NWD2: variants seen among roughly 807,000 people sequenced by gnomAD.
The protein encoded by NWD2 is NACHT and WD repeat domain-containing protein 2.
Under a neutral mutation model 132.7 loss-of-function variants are expected in NWD2, and 37 were observed. The ratio of observed to expected loss-of-function variants is 0.28; its 90% CI spans 0.21 to 0.37. The LOEUF (loss-of-function observed/expected upper bound fraction) is 0.37. Ranked by LOEUF, NWD2 falls within the 10% of genes least tolerant of loss-of-function variation. NWD2 has a pLI of 1.00. For missense variants in NWD2, 1,592 were observed against 2,122.4 expected (o/e 0.75, Z 4.91); for synonymous variants, 705 against 803.0 (o/e 0.88, Z 2.06).
chr4:37,376,697 T>C (rs551130668), intron 3 of NWD2, among the ~76,000 whole-genome samples: 194 of 152,342 alleles, frequency 1.3e-3, no homozygotes, highest in African/African-American at 4.4e-3. Flanking sequence ...TCATGTTTAT[T>C]GTCAGTATTA....
At chr4:37,255,269 C>G (rs1346155628) in intron 1 of NWD2, among the ~76,000 whole-genome samples, 1 of 152,168 alleles carries the variant, frequency 6.6e-6, no homozygotes, top group African/African-American at 2.4e-5. Context: ...CAGCTTGTAT[C>G]TGATATCCCG....
intron 3 of NWD2, among the ~76,000 whole-genome samples, chr4:37,373,914 GA>G (rs1720286203): frequency 6.6e-6 from 1 of 152,198 alleles, no homozygotes; most frequent in Non-Finnish European, 1.5e-5. Context: ...AAACACTTTA[GA>G]AAACATGTTG....
chr4:37,446,162 C>T lies in NWD2; in HGVS notation c.4174C>T (p.Leu1392Phe). The stretch of plus-strand genomic sequence containing the variant: ...CTGGCACACCAGCAGTGGTGAAAAC[C>T]TTTTTCGAATTAACGGGCAGAGAAT... Reference protein sequence around the residue: ...YVWHTSSGENLFRINGQRISQ... With the variant: ...YVWHTSSGENFFRINGQRISQ... Residue 1392 changes from leucine (L) to phenylalanine (F), a missense_variant, in exon 7 of 7, where the codon CTT becomes TTT. Physicochemically the swap from Leu to Phe is conservative, Grantham distance 22. Transcript: ENST00000309447. The surrounding 1 kb of genome is among the most constrained non-coding windows in gnomAD (Gnocchi z 6.7). The T allele has an allele frequency of 1.3e-6, 2 of 1,551,606 alleles. No homozygotes were observed. The highest frequency in any genetic ancestry group is 2.4e-5 in the South Asian group (2 of 84,042).
intron 2 of NWD2, among the ~76,000 whole-genome samples, chr4:37,336,953 A>AG: frequency 3.0e-4 from 1 of 3,374 alleles, no homozygotes; most frequent in Non-Finnish European, 0.01. Flanking sequence ...TCAAAAAAAG[A>AG]AAAAAAAAAA....
chr4:37,363,280 A>C (rs993654055), intron 3 of NWD2, among the ~76,000 whole-genome samples: 4 of 152,240 alleles, frequency 2.6e-5, no homozygotes, highest in Admixed American at 2.0e-4. Context: ...ACTACCATTC[A>C]ACTCAGCAAT....
chr4:37,350,174 TTTGG>T (rs1282345627), intron 2 of NWD2, among the ~76,000 whole-genome samples: 2 of 152,340 alleles, frequency 1.3e-5, no homozygotes, highest in East Asian at 3.9e-4. Flanking sequence ...GGGCTCTTCT[TTTGG>T]TTGCATATGA....
intron 3 of NWD2, 78 bp downstream of exon 3, chr4:37,356,560 G>A (rs1243831523): frequency 2.1e-6 from 2 of 973,572 alleles, no homozygotes; most frequent in Admixed American, 2.2e-5. Context: ...GATTCATAAG[G>A]GGTTTTTTAA....
chr4:37,267,734 G>A (rs1393118360), intron 1 of NWD2, among the ~76,000 whole-genome samples: 1 of 151,848 alleles, frequency 6.6e-6, no homozygotes, highest in Non-Finnish European at 1.5e-5. Flanking sequence ...CTATATGCCA[G>A]GAATTAATAT....
At chr4:37,306,606 C>A (rs1718712813) in intron 1 of NWD2, among the ~76,000 whole-genome samples, 1 of 152,008 alleles carries the variant, frequency 6.6e-6, no homozygotes, top group South Asian at 2.1e-4. Context: ...GTACAATTTC[C>A]AGTTTCTCTT....
At chr4:37,325,880 C>A in intron 1 of NWD2, 56 bp from the exon 2 acceptor site, 2 of 1,040,854 alleles carry the variant, frequency 1.9e-6, no homozygotes, top group Non-Finnish European at 2.8e-6. Flanking sequence ...CATTTTTTTG[C>A]CAGAAACATA....
intron 3 of NWD2, among the ~76,000 whole-genome samples, chr4:37,392,938 T>A (rs996825325): frequency 1.3e-5 from 2 of 152,216 alleles, no homozygotes; most frequent in South Asian, 4.1e-4. Context: ...CCCTAGGATG[T>A]CTGTGAATGT....
chr4:37,291,619 C>T (rs760332986), intron 1 of NWD2, among the ~76,000 whole-genome samples: 2 of 151,934 alleles, frequency 1.3e-5, no homozygotes, highest in Admixed American at 1.3e-4. Context: ...AGGAAACCTT[C>T]GTAGCCTTTA....
intron 5 of NWD2, among the ~76,000 whole-genome samples, chr4:37,436,519 T>C (rs529530133): frequency 1.6e-3 from 249 of 152,282 alleles, no homozygotes; most frequent in African/African-American, 5.6e-3. Flanking sequence ...TTTCTTTTTT[T>C]GCTCCATTTG....
chr4:37,388,583 T>C (rs574301984), intron 3 of NWD2, among the ~76,000 whole-genome samples: 7 of 150,350 alleles, frequency 4.7e-5, no homozygotes, highest in Admixed American at 1.3e-4. Flanking sequence ...TATTTTTATA[T>C]TGTGGGAAAT....
intron 3 of NWD2, among the ~76,000 whole-genome samples, chr4:37,361,747 C>T (rs543079618): frequency 1.9e-4 from 29 of 152,264 alleles, no homozygotes; most frequent in South Asian, 1.0e-3. Context: ...GAAGCATTCC[C>T]CTTGAGGACT....
intron 1 of NWD2, among the ~76,000 whole-genome samples, chr4:37,263,132 C>T (rs977011393): frequency 6.6e-6 from 1 of 152,148 alleles, no homozygotes; most frequent in Non-Finnish European, 1.5e-5. Context: ...ACAACAGGAG[C>T]TGCATGGTCC....
At chr4:37,405,949 C>T (rs993235005) in intron 3 of NWD2, among the ~76,000 whole-genome samples, 5 of 152,104 alleles carry the variant, frequency 3.3e-5, no homozygotes, top group Admixed American at 1.3e-4. Flanking sequence ...AGAACCAGAA[C>T]CCAGAATTGA....
At chr4:37,254,913 A>AT (rs1717482825) in intron 1 of NWD2, among the ~76,000 whole-genome samples, 1 of 152,230 alleles carries the variant, frequency 6.6e-6, no homozygotes, top group African/African-American at 2.4e-5. Flanking sequence ...GTATTACGGA[A>AT]TTTCACTCGG....
Position 37,446,805 on chromosome 4 carries a change from A to T in NWD2, c.4817A>T (p.Asp1606Val). Residue 1606 changes from aspartate (D) to valine (V), a missense_variant, in exon 7 of 7, where the codon GAT becomes GTT. Transcript: ENST00000309447. The surrounding 1 kb of genome is among the most constrained non-coding windows in gnomAD (Gnocchi z 6.7). ...IFSLIVMRLA[D>V]GKNIGACSLY... Reference sequence around the variant, plus strand: ...AGTTTAATTGTAATGAGACTGGCAGATGGCAAAAATATCGGTGCTTGTTCC... The same window carrying T: ...AGTTTAATTGTAATGAGACTGGCAGTTGGCAAAAATATCGGTGCTTGTTCC... The T allele has an allele frequency of 6.4e-7, 1 of 1,551,990 alleles. No individual in the cohort carries two copies. Among genetic ancestry groups the T allele is most frequent in the Non-Finnish European group, 8.7e-7 (1 of 1,147,086 alleles).
Sources: gnomAD v4.1 joint callset for allele counts (sites outside exome capture counted in the v4.1 genomes callset) on GRCh38, gnomAD v4.1.1 for gene constraint, Gnocchi (gnomAD v3.1) non-coding constraint, MANE v1.5 for transcripts, NCBI Gene and HGNC (gene_info 2026-07-23, HGNC 2026-07-21) for gene names.